The following USP34 variants were observed in gnomAD, a reference collection of about 807,000 sequenced individuals.
USP34 encodes ubiquitin specific peptidase 34, also known as ubiquitin carboxyl-terminal hydrolase 34.
Under a neutral mutation model 460.3 loss-of-function variants are expected in USP34, and 70 were observed. The ratio of observed to expected loss-of-function variants is 0.15; its 90% CI spans 0.13 to 0.19. The LOEUF is 0.19. Ranked by LOEUF, USP34 falls within the 10% of genes least tolerant of loss-of-function variation. The probability of loss-of-function intolerance (pLI) is 1.00; values close to 1 mark genes in which losing one functional copy is unlikely to be tolerated. For synonymous variants in USP34, 1,647 were observed against 1,405.3 expected, an observed-to-expected ratio of 1.17 and a Z score of -3.85; for missense variants, 3,985 against 4,236.2, an observed-to-expected ratio of 0.94 and a Z score of 1.65.
Position 61,211,801 on chromosome 2 carries a change from A to G in USP34, c.8811T>C (p.Asp2937=), listed in dbSNP as rs774321628. Residue 2937 remains aspartate, a synonymous_variant, in exon 69 of 80, where the codon GAT becomes GAC. Transcript: ENST00000398571. ...TTAAAGTAGTCCAGCAGGAGCGGCCATCTAAGCAACGTAAGTAACAACTTA... is the reference window on the plus strand; with the variant it reads ...TTAAAGTAGTCCAGCAGGAGCGGCCGTCTAAGCAACGTAAGTAACAACTTA... The part of the protein sequence containing the change: ...TTISCYLRCL[D]GRSCWTTLIS... 3 of 1,590,804 alleles carry G rather than the reference A, an allele frequency of 1.9e-6. No individual in the cohort carries two copies. Among genetic ancestry groups the G allele is most frequent in the Non-Finnish European group, 2.6e-6 (3 of 1,172,954 alleles).
At chr2:61,195,882 C>T (rs551703989) in intron 75 of USP34, among the ~76,000 whole-genome samples, 6 of 151,974 alleles carry the variant, frequency 3.9e-5, no homozygotes, top group African/African-American at 1.4e-4. Context: ...CCCCTACTAT[C>T]CCCCCAAAGT....
intron 64 of USP34, 77 bp from the exon 65 acceptor site, chr2:61,222,740 A>C (rs1687621874): frequency 1.5e-6 from 2 of 1,378,496 alleles, no homozygotes; most frequent in East Asian, 4.8e-5. Context: ...TATGTCACCC[A>C]GGCTGGGATG....
intron 57 of USP34, among the ~76,000 whole-genome samples, chr2:61,232,861 C>CCA (rs1687950509): frequency 1.5e-5 from 1 of 68,772 alleles, no homozygotes; most frequent in African/African-American, 5.5e-5. Flanking sequence ...TATATATATT[C>CCA]CCCCCCCCCT....
chr2:61,359,470 C>A (rs983994933), intron 10 of USP34, among the ~76,000 whole-genome samples: 3 of 152,080 alleles, frequency 2.0e-5, no homozygotes, highest in African/African-American at 7.2e-5. Context: ...AAAGAAAAAT[C>A]TTTTTTTAAA....
intron 68 of USP34, among the ~76,000 whole-genome samples, chr2:61,212,840 G>T (rs545157573): frequency 1.8e-4 from 28 of 151,808 alleles, no homozygotes; most frequent in Non-Finnish European, 3.5e-4. Flanking sequence ...ATTTAATTCT[G>T]GACATCACAT....
intron 51 of USP34, among the ~76,000 whole-genome samples, chr2:61,243,437 A>T (rs1688330136): frequency 1.3e-5 from 2 of 151,982 alleles, no homozygotes; most frequent in South Asian, 2.1e-4. Flanking sequence ...GTGAGCCACC[A>T]TGCCCGGCCT....
At chr2:61,300,808 CAA>C in intron 29 of USP34, 141 bp downstream of exon 29, 1 of 454,526 alleles carries the variant, frequency 2.2e-6, no homozygotes, top group Non-Finnish European at 3.3e-6. Flanking sequence ...AAAAAGAAAA[CAA>C]AAAAAAAATG....
At chr2:61,465,855 T>A (rs894113039) in intron 1 of USP34, among the ~76,000 whole-genome samples, 8 of 151,816 alleles carry the variant, frequency 5.3e-5, no homozygotes, top group African/African-American at 1.9e-4. Context: ...CGGGCGCCTG[T>A]AGTTCCAGCT....
In USP34 at chr2:61,378,258, A is replaced by G. The variant is rs1692853786; in HGVS notation, c.1076+105T>C. 7.3e-6 allele frequency: 6 copies of G among 820,516 alleles called. No homozygotes were observed. The African/African-American group carries it at 9.0e-5, about 12-fold the overall frequency. The allele number at this position is 820,516 out of a possible 1,614,324, so 50.8% of individuals were successfully genotyped here. A position where few individuals can be genotyped will look rare whatever the true frequency, so the allele number is the denominator to read the frequency against. ...AGAACTGTACACAATGTCAAAGGGC[A>G]AAGAATTTCTAGTAAAAATTTTAAA... On this transcript the variant is annotated intron_variant, in intron 8 of 79. Transcript: ENST00000398571.
At chr2:61,190,184 G>A in intron 78 of USP34, 87 bp downstream of exon 78, 2 of 1,493,768 alleles carry the variant, frequency 1.3e-6, no homozygotes, top group Admixed American at 2.4e-5. Flanking sequence ...GTAAGTTAAA[G>A]TTACGAGAGT....
intron 37 of USP34, 139 bp downstream of exon 37, chr2:61,283,006 G>A: frequency 1.2e-5 from 9 of 780,032 alleles, no homozygotes. Context: ...AAACACTCTA[G>A]ACCTTAAAGG....
chr2:61,332,911 T>C (rs986045619), intron 19 of USP34, among the ~76,000 whole-genome samples: 3 of 152,032 alleles, frequency 2.0e-5, no homozygotes, highest in African/African-American at 7.2e-5. Context: ...TAACTTCATC[T>C]AATCTGGAAT....
intron 1 of USP34, among the ~76,000 whole-genome samples, chr2:61,423,563 A>G (rs1694423756): frequency 6.6e-6 from 1 of 152,236 alleles, no homozygotes; most frequent in Non-Finnish European, 1.5e-5. Context: ...ATAAATGGGA[A>G]GAAATCCCAC....
At chr2:61,340,902 T>C (rs1457977104) in intron 16 of USP34, among the ~76,000 whole-genome samples, 1 of 151,694 alleles carries the variant, frequency 6.6e-6, no homozygotes. Context: ...GTTTTGGTAT[T>C]TCGCTTTCAT....
intron 19 of USP34, among the ~76,000 whole-genome samples, chr2:61,333,348 A>G (rs905755449): frequency 6.6e-6 from 1 of 152,146 alleles, no homozygotes; most frequent in African/African-American, 2.4e-5. Context: ...GCAGTTGAAC[A>G]TAACTAATCC....
intron 8 of USP34, among the ~76,000 whole-genome samples, chr2:61,376,807 C>G (rs1692812003): frequency 6.6e-6 from 1 of 152,170 alleles, no homozygotes; most frequent in Admixed American, 6.5e-5. Context: ...GCCACCACAC[C>G]TAATTTTTGT....
At chr2:61,399,492 A>G (rs184664307) in intron 3 of USP34, among the ~76,000 whole-genome samples, 104 of 152,192 alleles carry the variant, frequency 6.8e-4, no homozygotes, top group African/African-American at 2.4e-3. Context: ...TTATAATCTC[A>G]TTTTTTAAGT....
At chr2:61,381,433 G>A (rs531188299) in intron 6 of USP34, among the ~76,000 whole-genome samples, 1 of 152,006 alleles carries the variant, frequency 6.6e-6, no homozygotes, top group South Asian at 2.1e-4. Flanking sequence ...CGACCTCCTG[G>A]GCTCAAGTGA....
intron 21 of USP34, 149 bp from the exon 22 acceptor site, chr2:61,319,476 C>T (rs1690847912): frequency 2.3e-6 from 1 of 431,872 alleles, no homozygotes; most frequent in East Asian, 3.6e-5. Flanking sequence ...CATAATGAAA[C>T]TAACTTTACC....
Sources: allele counts gnomAD v4.1 joint callset (sites outside exome capture counted in the v4.1 genomes callset), GRCh38; gene constraint gnomAD v4.1.1; transcripts MANE v1.5; gene names NCBI Gene and HGNC (gene_info 2026-07-23, HGNC 2026-07-21).